Variants in CLVS1 observed in about 807,000 individuals in gnomAD.
CLVS1 encodes the protein clavesin-1.
CLVS1 carries 10 observed loss-of-function variants against 33.1 expected under a neutral mutation model. The ratio of observed to expected loss-of-function variants is 0.30; its 90% confidence interval spans 0.19 to 0.51. The LOEUF is 0.51. Among genes scored for constraint, CLVS1 ranks in the 20% least tolerant of loss-of-function variants. The probability of loss-of-function intolerance (pLI) is 0.97; values close to 1 mark genes in which losing one functional copy is unlikely to be tolerated. For synonymous variants in CLVS1, 163 were observed against 166.1 expected (o/e 0.98, Z 0.14); for missense variants, 343 against 433.4 (o/e 0.79, Z 1.85).
chr8:61,232,028 T>TGTTTGTTTGTTTGTTTGTTTG lies in CLVS1; in HGVS notation c.-151-67649_-151-67648insGTTTGTTTGTTTGTTTGTTTG, dbSNP rs140778823. ...GAGCCCTGAGGAAAGTTGTGGTTTT[T>TGTTTGTTTGTTTGTTTGTTTG]TTTTTTTTTTTTTTTTTTTTTTGTG... is the stretch of plus-strand genomic sequence containing the variant. On this transcript the variant is annotated intron_variant, in intron 2 of 2. Coordinates refer to the CLVS1 transcript ENST00000522621. 3.4e-4 allele frequency among the ~76,000 whole-genome samples: 39 copies of TGTTTGTTTGTTTGTTTGTTTG among 114,816 alleles called. 1 individual carries two copies. The highest frequency in any genetic ancestry group is 1.0e-3 in the African/African-American group (26 of 25,308). The allele number at this position is 114,816 out of a possible 152,430, so 75.3% of individuals were successfully genotyped here.
chr8:61,254,809 G>C (rs1809038980), intron 2 of CLVS1, among the ~76,000 whole-genome samples: 1 of 152,186 alleles, frequency 6.6e-6, no homozygotes, highest in Non-Finnish European at 1.5e-5. Flanking sequence ...TTTTCCAGGT[G>C]CCCTCTGTCA....
the CLVS1 span, among the ~76,000 whole-genome samples, chr8:61,035,661 G>T: frequency 6.6e-6 from 1 of 152,120 alleles, no homozygotes; most frequent in African/African-American, 2.4e-5. Context: ...AGAAACACAA[G>T]TACCATTTCT....
intron 2 of CLVS1, among the ~76,000 whole-genome samples, chr8:61,224,896 A>G (rs144441231): frequency 6.6e-6 from 1 of 152,306 alleles, no homozygotes; most frequent in African/African-American, 2.4e-5. Flanking sequence ...TCACAATAAT[A>G]ATGGGAGAAT....
At chr8:60,985,605 A>G in the CLVS1 span, among the ~76,000 whole-genome samples, 1 of 152,114 alleles carries the variant, frequency 6.6e-6, no homozygotes, top group Non-Finnish European at 1.5e-5. Context: ...ATAATAAAAA[A>G]CCCAAGAAAA....
At chr8:61,138,153 G>A (rs1806224957) in intron 2 of CLVS1, among the ~76,000 whole-genome samples, 1 of 152,194 alleles carries the variant, frequency 6.6e-6, no homozygotes, top group African/African-American at 2.4e-5. Flanking sequence ...GGTAGAGTGT[G>A]CCCGTCAGGA....
chr8:61,144,247 G>A (rs1005384991), intron 2 of CLVS1, among the ~76,000 whole-genome samples: 2 of 152,118 alleles, frequency 1.3e-5, no homozygotes, highest in Admixed American at 1.3e-4. Flanking sequence ...TCCCCTCCCT[G>A]TGTCCATTTG....
chr8:61,253,107 G>T (rs1808988047), intron 2 of CLVS1, among the ~76,000 whole-genome samples: 1 of 152,104 alleles, frequency 6.6e-6, no homozygotes, highest in South Asian at 2.1e-4. Context: ...CTCTTTTAGG[G>T]CAGGCCTGGT....
rs147883251 is a variant in CLVS1, at chr8:61,242,243, C to T, written c.-151-57434C>T. Among the ~76,000 whole-genome samples, 533 of 151,746 alleles carry T rather than the reference C, an allele frequency of 3.5e-3. 1 individual carries two copies. Among genetic ancestry groups the T allele is most frequent in the Non-Finnish European group, 4.3e-3 (293 of 67,858 alleles). On this transcript the variant is annotated intron_variant, in intron 2 of 2. Transcript: ENST00000522621. ...TTATTTCTTCAAATTTCTTCTGGCC[C>T]CATTCTTTCTCTCTGCTCATTTTGA...
chr8:61,079,266 G>T (rs556343942), intron 1 of CLVS1, among the ~76,000 whole-genome samples: 1 of 152,284 alleles, frequency 6.6e-6, no homozygotes, highest in East Asian at 1.9e-4. Flanking sequence ...GGGAGGGGTG[G>T]TTTGGTGAGG....
chr8:61,148,348 A>G (rs75048093), intron 2 of CLVS1, among the ~76,000 whole-genome samples: 2 of 152,218 alleles, frequency 1.3e-5, no homozygotes, highest in Admixed American at 6.5e-5. Context: ...GTGGTGACAT[A>G]TGGAAGGACA....
chr8:61,023,720 T>C, the CLVS1 span, among the ~76,000 whole-genome samples: 3 of 152,140 alleles, frequency 2.0e-5, no homozygotes, highest in African/African-American at 7.2e-5. Flanking sequence ...GCCGGGAGGC[T>C]GCGCGCCGGC....
intron 2 of CLVS1, among the ~76,000 whole-genome samples, chr8:61,304,507 C>T (rs1403753537): frequency 5.3e-4 from 80 of 152,164 alleles, no homozygotes; most frequent in Non-Finnish European, 1.3e-4. Flanking sequence ...TGAACTTGGC[C>T]CTCCCAGAGT....
In CLVS1 at chr8:61,346,417, T is replaced by C. The variant is rs1430113245; in HGVS notation, c.456-30188T>C. 2.6e-5 allele frequency among the ~76,000 whole-genome samples: 4 copies of C among 151,998 alleles called. No homozygotes were observed. The East Asian group carries it at 7.7e-4, about 29-fold the overall frequency. ...AGAGGTCGCAGTTGAGGAAACTAAA[T>C]CGGGTGAGAAAATAACAGGGATGGG... On this transcript the variant is annotated intron_variant, in intron 2 of 5. Transcript: ENST00000325897.
the CLVS1 span, among the ~76,000 whole-genome samples, chr8:60,975,242 GAGCCCCATTT>G: frequency 6.6e-6 from 1 of 152,024 alleles, no homozygotes; most frequent in Non-Finnish European, 1.5e-5. Flanking sequence ...TTATTTTTTT[GAGCCCCATTT>G]CACTCTTTGT....
the CLVS1 span, among the ~76,000 whole-genome samples, chr8:61,013,672 G>A: frequency 3.2e-4 from 49 of 152,290 alleles, 1 homozygote; most frequent in South Asian, 8.3e-4. Flanking sequence ...AAATCTGCAC[G>A]TGTCAGCTCA....
upstream of CLVS1, among the ~76,000 whole-genome samples, chr8:61,053,039 GA>G (rs1459920880): frequency 2.6e-5 from 4 of 152,198 alleles, no homozygotes; most frequent in Non-Finnish European, 5.9e-5. Flanking sequence ...GTCAGAGAAA[GA>G]GTGGAGACAA....
chr8:60,982,842 A>G, the CLVS1 span, among the ~76,000 whole-genome samples: 2 of 152,182 alleles, frequency 1.3e-5, no homozygotes, highest in Non-Finnish European at 2.9e-5. Context: ...GGAGGCTGAG[A>G]CGGGAGGATG....
At position 61,323,243 on chromosome 8, in the gene CLVS1, G is replaced by T. The variant is rs190447061; in HGVS notation, c.455+22961G>T. Among the ~76,000 whole-genome samples, 436 of 152,236 alleles carry T rather than the reference G, an allele frequency of 2.9e-3. 3 individuals carry two copies. Among genetic ancestry groups the T allele is most frequent in the African/African-American group, 0.01 (421 of 41,538 alleles). On this transcript the variant is annotated intron_variant, in intron 2 of 5. Coordinates refer to ENST00000325897, the MANE Select transcript of CLVS1 (RefSeq NM_173519.3). ...CTCTTTCAGCCCAGGTTTCTTTAGG[G>T]TTAGGATTCTCAGGGCAGTTCTTCA... is the stretch of plus-strand genomic sequence containing the variant.
chr8:60,968,374 G>A, the CLVS1 span, among the ~76,000 whole-genome samples: 4 of 152,054 alleles, frequency 2.6e-5, no homozygotes, highest in Non-Finnish European at 5.9e-5. Flanking sequence ...AAATTAGCTT[G>A]GCATGGTGGT....
Sources: allele counts gnomAD v4.1 joint callset (sites outside exome capture counted in the v4.1 genomes callset), GRCh38; gene constraint gnomAD v4.1.1; transcripts MANE v1.5; gene names NCBI Gene and HGNC (gene_info 2026-07-23, HGNC 2026-07-21).